TYW1: variants seen among roughly 807,000 people sequenced by gnomAD.
TYW1 encodes the protein tRNA-yW synthesizing protein 1 homolog, also known as S-adenosyl-L-methionine-dependent tRNA 4-demethylwyosine synthase TYW1.
TYW1 carries 46 observed loss-of-function variants against 96.2 expected under a neutral mutation model. The observed-to-expected ratio is 0.48, with a 90% CI of 0.38 to 0.61. The LOEUF is 0.61. Ranked by LOEUF, TYW1 falls within the 20% of genes least tolerant of loss-of-function variation. TYW1 has a pLI of 0.00. For synonymous variants in TYW1, 274 were observed against 323.0 expected, an observed-to-expected ratio of 0.85 and a Z score of 1.63; for missense variants, 684 against 909.6, an observed-to-expected ratio of 0.75 and a Z score of 3.19.
At position 66,996,882 on chromosome 7, in the gene TYW1, T is replaced by C; in HGVS notation, c.-97T>C. On this transcript the variant is annotated 5_prime_UTR_variant, in exon 1 of 16. Transcript: ENST00000359626. ...GGTCTGCAGGCACTCGGTACGCCGCTAACGCGGCGAGGTAGCTCGGTGCGT... is the reference window on the plus strand; with the variant it reads ...GGTCTGCAGGCACTCGGTACGCCGCCAACGCGGCGAGGTAGCTCGGTGCGT... The C allele has an allele frequency of 2.5e-6, 4 of 1,594,302 alleles. No individual in the cohort carries two copies. The highest frequency in any genetic ancestry group is 2.6e-6 in the Non-Finnish European group (3 of 1,169,226).
chr7:67,041,315 C>CT (rs921726467), intron 7 of TYW1, among the ~76,000 whole-genome samples: 2 of 150,960 alleles, frequency 1.3e-5, no homozygotes, highest in Admixed American at 6.6e-5. Flanking sequence ...TTTTTCTTTT[C>CT]TTTTTTTTGA....
chr7:67,063,753 G>A (rs534875054), intron 9 of TYW1, among the ~76,000 whole-genome samples: 2 of 152,068 alleles, frequency 1.3e-5, no homozygotes, highest in East Asian at 1.9e-4. Context: ...ACAGGTGCCC[G>A]CCACCAAGCC....
chr7:67,165,156 A>T (rs990879380), intron 13 of TYW1, among the ~76,000 whole-genome samples: 2 of 152,174 alleles, frequency 1.3e-5, no homozygotes, highest in Non-Finnish European at 2.9e-5. Context: ...CCAATTTGAT[A>T]AGCCCAAATA....
intron 4 of TYW1, among the ~76,000 whole-genome samples, chr7:67,013,933 C>T (rs184029379): frequency 4.0e-5 from 6 of 151,812 alleles, no homozygotes; most frequent in Admixed American, 2.0e-4. Context: ...TTAGTAGAGA[C>T]GAGGTTTCAC....
intron 7 of TYW1, among the ~76,000 whole-genome samples, chr7:67,037,582 GA>G (rs1390515519): frequency 6.6e-6 from 1 of 151,558 alleles, no homozygotes; most frequent in African/African-American, 2.4e-5. Flanking sequence ...AGGAGCTGGG[GA>G]CAAAGGCTAG....
At chr7:67,017,471 T>C (rs1794063985) in intron 5 of TYW1, among the ~76,000 whole-genome samples, 1 of 152,176 alleles carries the variant, frequency 6.6e-6, no homozygotes, top group Non-Finnish European at 1.5e-5. Context: ...TATAACTGAG[T>C]AGGCTTAGGC....
intron 15 of TYW1, among the ~76,000 whole-genome samples, chr7:67,234,463 C>T (rs1336754748): frequency 6.6e-6 from 1 of 151,964 alleles, no homozygotes; most frequent in Admixed American, 6.6e-5. Context: ...AAGAAGGCAG[C>T]CGCCTTCAAG....
At chr7:67,016,090 T>G (rs1794014025) in intron 5 of TYW1, among the ~76,000 whole-genome samples, 2 of 151,802 alleles carry the variant, frequency 1.3e-5, no homozygotes, top group Non-Finnish European at 2.9e-5. Flanking sequence ...GAAATTAACT[T>G]GGCTCCTTTT....
chr7:67,196,555 G>A (rs535767516), intron 15 of TYW1, among the ~76,000 whole-genome samples: 114 of 152,224 alleles, frequency 7.5e-4, no homozygotes, highest in African/African-American at 2.6e-3. Flanking sequence ...TTTTAGATAT[G>A]TGATTTAACC....
At chr7:67,204,482 T>C (rs772038722) in intron 15 of TYW1, among the ~76,000 whole-genome samples, 2 of 150,230 alleles carry the variant, frequency 1.3e-5, no homozygotes, top group Non-Finnish European at 3.0e-5. Flanking sequence ...CTTCCTTCCT[T>C]CCTCCCTCCC....
Position 67,074,030 on chromosome 7 carries a change from C to T in TYW1, c.1274+6627C>T, listed in dbSNP as rs183508255. Among the ~76,000 whole-genome samples the T allele has an allele frequency of 4.4e-3, 624 of 140,902 alleles. 5 individuals are homozygous for T. Among genetic ancestry groups the T allele is most frequent in the Admixed American group, 0.027 (364 of 13,550 alleles). 92.4% of individuals were successfully genotyped at this position (140,902 alleles called of 152,430 possible). A position where few individuals can be genotyped will look rare whatever the true frequency, so the allele number is the denominator to read the frequency against. The stretch of plus-strand genomic sequence containing the variant: ...CCAGGAGGTGGAGCTTGCAGTGAGC[C>T]GAGATCACGCCACTGCACTCTAACC... On this transcript the variant is annotated intron_variant, in intron 10 of 15. Transcript: ENST00000359626.
chr7:67,214,190 CT>C (rs1350098905), intron 15 of TYW1, among the ~76,000 whole-genome samples: 3 of 152,010 alleles, frequency 2.0e-5, no homozygotes, highest in Non-Finnish European at 1.5e-5. Flanking sequence ...TTTAATCAGA[CT>C]TTGTTTTCTA....
At chr7:67,064,679 T>C (rs754810120) in intron 9 of TYW1, among the ~76,000 whole-genome samples, 56 of 152,208 alleles carry the variant, frequency 3.7e-4, no homozygotes, top group Non-Finnish European at 6.5e-4. Flanking sequence ...CAGGAAAGAC[T>C]GACCCCTGTG....
At chr7:67,039,726 C>T (rs1314694895) in intron 7 of TYW1, among the ~76,000 whole-genome samples, 3 of 150,660 alleles carry the variant, frequency 2.0e-5, no homozygotes, top group South Asian at 2.1e-4. Flanking sequence ...TGCAGTGGCG[C>T]GATCTCGGCT....
At chr7:67,029,625 C>T (rs1270895344) in intron 7 of TYW1, among the ~76,000 whole-genome samples, 3 of 151,822 alleles carry the variant, frequency 2.0e-5, no homozygotes, top group Non-Finnish European at 2.9e-5. Context: ...GGAAGTCTCA[C>T]GGCTATCTAC....
chr7:67,106,245 CAAAG>C (rs1325056678), intron 12 of TYW1, among the ~76,000 whole-genome samples: 1 of 152,224 alleles, frequency 6.6e-6, no homozygotes, highest in African/African-American at 2.4e-5. Context: ...TTTTGATACA[CAAAG>C]AATTCTTTTC....
intron 6 of TYW1, 107 bp from the exon 7 acceptor site, chr7:67,024,793 A>AG (rs1480084591): frequency 8.5e-5 from 129 of 1,513,656 alleles, no homozygotes; most frequent in Non-Finnish European, 1.1e-4. Flanking sequence ...AGAAAAAAAA[A>AG]AAAAAAGAAT....
chr7:67,046,869 T>TA (rs1260515434), intron 7 of TYW1, among the ~76,000 whole-genome samples: 2 of 152,196 alleles, frequency 1.3e-5, no homozygotes, highest in East Asian at 3.8e-4. Context: ...TTATAATAGA[T>TA]ACTTTCTCTA....
intron 11 of TYW1, among the ~76,000 whole-genome samples, chr7:67,091,852 TTTTG>T (rs1161081581): frequency 6.6e-6 from 1 of 152,206 alleles, no homozygotes; most frequent in Admixed American, 6.5e-5. Context: ...TTGTCTTGTA[TTTTG>T]TTTGTTTTTG....
Sources: gnomAD v4.1 joint callset for allele counts (sites outside exome capture counted in the v4.1 genomes callset) on GRCh38, gnomAD v4.1.1 for gene constraint, MANE v1.5 for transcripts, NCBI Gene and HGNC (gene_info 2026-07-23, HGNC 2026-07-21) for gene names.